The following CDK15 variants were observed in gnomAD, a reference collection of about 807,000 sequenced individuals.
The protein encoded by CDK15 is cyclin-dependent kinase 15.
CDK15 carries 62 observed loss-of-function variants against 60.3 expected under a neutral mutation model. The ratio of observed to expected loss-of-function variants is 1.03; its 90% confidence interval spans 0.84 to 1.27. The LOEUF is 1.27. Among genes scored for constraint, CDK15 ranks in the 50% most tolerant of loss-of-function variants. The probability of loss-of-function intolerance (pLI) is 0.00; values close to 1 mark genes in which losing one functional copy is unlikely to be tolerated. For synonymous variants in CDK15, 194 were observed against 195.7 expected, an observed-to-expected ratio of 0.99 and a Z score of 0.07; for missense variants, 541 against 527.8, an observed-to-expected ratio of 1.03 and a Z score of -0.25.
chr2:201,827,372 G>C (rs1696554085), intron 6 of CDK15, among the ~76,000 whole-genome samples: 1 of 152,290 alleles, frequency 6.6e-6, no homozygotes, highest in East Asian at 1.9e-4. Context: ...TTGAGCACAG[G>C]AGTTTGAGGC....
chr2:201,864,757 A>C (rs895791012), intron 10 of CDK15, among the ~76,000 whole-genome samples: 1 of 152,260 alleles, frequency 6.6e-6, no homozygotes, highest in Non-Finnish European at 1.5e-5. Context: ...TTTATAGAGA[A>C]GGTAATGAGT....
At chr2:201,863,346 A>G (rs1200994438) in intron 10 of CDK15, among the ~76,000 whole-genome samples, 3 of 152,102 alleles carry the variant, frequency 2.0e-5, no homozygotes, top group African/African-American at 7.2e-5. Context: ...TATTTTTTCT[A>G]AAGTAAAACT....
chr2:201,864,783 T>G (rs1698549592), intron 10 of CDK15, among the ~76,000 whole-genome samples: 1 of 152,214 alleles, frequency 6.6e-6, no homozygotes, highest in South Asian at 2.1e-4. Flanking sequence ...GTTTTAACAT[T>G]TTGAGATTAA....
intron 8 of CDK15, among the ~76,000 whole-genome samples, chr2:201,843,816 ACGTAATGG>A (rs1229390005): frequency 6.6e-6 from 1 of 152,164 alleles, no homozygotes; most frequent in East Asian, 1.9e-4. Context: ...TATGGTACTT[ACGTAATGG>A]CCTGAATGCT....
At chr2:201,888,213 C>T (rs1334906068) in intron 12 of CDK15, among the ~76,000 whole-genome samples, 11 of 151,910 alleles carry the variant, frequency 7.2e-5, no homozygotes, top group Admixed American at 1.3e-4. Context: ...AATGGAGACA[C>T]CAGGATCAGA....
intron 4 of CDK15, among the ~76,000 whole-genome samples, chr2:201,816,455 G>GTTTTTTTTTTTTTTTTTTTTT (rs55930032): frequency 2.5e-5 from 2 of 79,854 alleles, no homozygotes; most frequent in African/African-American, 1.0e-4. Flanking sequence ...TAAGGAAATG[G>GTTTTTTTTTTTTTTTTTTTTT]TTTTTTTTTT....
chr2:201,852,667 C>G (rs1697964201), intron 9 of CDK15, among the ~76,000 whole-genome samples: 1 of 152,168 alleles, frequency 6.6e-6, no homozygotes, highest in Non-Finnish European at 1.5e-5. Flanking sequence ...CACTGGCTGC[C>G]TTTTAAGAGC....
chr2:201,839,871 C>A (rs769378976), intron 8 of CDK15, among the ~76,000 whole-genome samples: 11 of 152,152 alleles, frequency 7.2e-5, no homozygotes, highest in Non-Finnish European at 1.3e-4. Context: ...TAGTGTAAGA[C>A]AGCACTAGCC....
rs143486430 is a variant in CDK15, at chr2:201,847,446, T to C, written c.917T>C (p.Ile306Thr). 6.2e-7 allele frequency: 1 copy of C among 1,614,084 alleles called. No homozygotes were observed. The highest frequency in any genetic ancestry group is 8.5e-7 in the Non-Finnish European group (1 of 1,179,980). Residue 306 changes from isoleucine (I) to threonine (T), a missense_variant, in exon 9 of 14, where the codon ATC (isoleucine) becomes ACC (threonine). Physicochemically the swap from Ile to Thr is moderately conservative, Grantham distance 89. Coordinates refer to ENST00000652192, the MANE Select transcript of CDK15 (RefSeq NM_001366386.2). ...CCTTTGTTTCCTGGGGTTTCCAACATCCTTGAACAGCTGGAGAAAATCTGG... is the reference window on the plus strand; with the variant it reads ...CCTTTGTTTCCTGGGGTTTCCAACACCCTTGAACAGCTGGAGAAAATCTGG... The part of the protein sequence containing the change: ...GQPLFPGVSN[I>T]LEQLEKIWEV...
intron 10 of CDK15, among the ~76,000 whole-genome samples, chr2:201,870,880 A>G (rs1698828741): frequency 6.6e-6 from 1 of 152,240 alleles, no homozygotes; most frequent in Admixed American, 6.5e-5. Flanking sequence ...CCTCCCCTGC[A>G]GCTCCTCTTA....
At chr2:201,810,669 T>G (rs1404465299) in intron 3 of CDK15, among the ~76,000 whole-genome samples, 1 of 151,994 alleles carries the variant, frequency 6.6e-6, no homozygotes, top group Non-Finnish European at 1.5e-5. Context: ...ACAGCATAAC[T>G]CTCCACTCCT....
chr2:201,807,708 T>C, intron 2 of CDK15, 65 bp downstream of exon 2: 1 of 1,599,448 alleles, frequency 6.3e-7, no homozygotes, highest in Non-Finnish European at 8.6e-7. Context: ...AGGCCGGCCC[T>C]TGCTTCCAGG....
chr2:201,872,237 G>C (rs201917344), intron 10 of CDK15, 41 bp from the exon 11 acceptor site: 15 of 1,606,052 alleles, frequency 9.3e-6, no homozygotes, highest in African/African-American at 8.0e-5. Flanking sequence ...CAGGGTTTTC[G>C]GGTGGATTTT....
intron 11 of CDK15, among the ~76,000 whole-genome samples, 174 bp downstream of exon 11, chr2:201,872,500 T>A (rs1163938473): frequency 6.6e-6 from 1 of 152,170 alleles, no homozygotes; most frequent in Non-Finnish European, 1.5e-5. Flanking sequence ...GTTAATTTTT[T>A]TCTATGAACC....
chr2:201,820,551 G>C (rs1156592390), intron 4 of CDK15, among the ~76,000 whole-genome samples: 1 of 152,174 alleles, frequency 6.6e-6, no homozygotes, highest in African/African-American at 2.4e-5. Context: ...CTTAGGTTGA[G>C]ATACTCTCCA....
chr2:201,846,804 G>T (rs1421806184), intron 8 of CDK15, among the ~76,000 whole-genome samples: 2 of 152,118 alleles, frequency 1.3e-5, no homozygotes, highest in East Asian at 1.9e-4. Flanking sequence ...ACATCAAAGA[G>T]TCTGAGTCAA....
intron 9 of CDK15, among the ~76,000 whole-genome samples, chr2:201,849,766 T>C (rs1697823967): frequency 1.3e-5 from 2 of 152,170 alleles, no homozygotes. Flanking sequence ...TTGAAAAGAA[T>C]ATAAGTATAT....
chr2:201,869,464 C>T (rs779195825), intron 10 of CDK15, among the ~76,000 whole-genome samples: 162 of 151,692 alleles, frequency 1.1e-3, no homozygotes, highest in Admixed American at 1.7e-3. Flanking sequence ...ACCAACATGG[C>T]GCATGTATAC....
intron 9 of CDK15, 113 bp downstream of exon 9, chr2:201,847,587 T>C (rs1697727233): frequency 3.6e-6 from 3 of 844,734 alleles, no homozygotes; most frequent in Non-Finnish European, 5.6e-6. Flanking sequence ...TTAAGCCCTA[T>C]ATTAAGATTG....
Sources: allele counts gnomAD v4.1 joint callset (sites outside exome capture counted in the v4.1 genomes callset), GRCh38; gene constraint gnomAD v4.1.1; transcripts MANE v1.5; gene names NCBI Gene and HGNC (gene_info 2026-07-23, HGNC 2026-07-21).